SMYD3: variants seen among roughly 807,000 people sequenced by gnomAD.
SMYD3 encodes the protein histone-lysine N-methyltransferase SMYD3.
Under a neutral mutation model 57.7 loss-of-function variants are expected in SMYD3, and 36 were observed. That is an observed-to-expected ratio of 0.62 (90% CI 0.48 to 0.82). SMYD3 has a LOEUF of 0.82. Ranked by LOEUF, SMYD3 falls within the 40% of genes least tolerant of loss-of-function variation. The pLI is 0.00. For missense variants in SMYD3, 515 were observed against 538.8 expected (o/e 0.96, Z 0.44); for synonymous variants, 211 against 195.0 (o/e 1.08, Z -0.68).
At chr1:245,909,456 A>T (rs1490499184) in intron 8 of SMYD3, among the ~76,000 whole-genome samples, 2 of 152,140 alleles carry the variant, frequency 1.3e-5, no homozygotes, top group African/African-American at 2.4e-5. Context: ...TATATATATA[A>T]AACCAGCATT....
intron 1 of SMYD3, among the ~76,000 whole-genome samples, chr1:246,501,819 C>T (rs2068460859): frequency 6.6e-6 from 1 of 152,314 alleles, no homozygotes; most frequent in East Asian, 1.9e-4. Context: ...TAAGTAGACC[C>T]TCAGCACTTT....
chr1:246,403,409 G>A (rs924895462), intron 1 of SMYD3, among the ~76,000 whole-genome samples: 3 of 152,152 alleles, frequency 2.0e-5, no homozygotes, highest in Non-Finnish European at 4.4e-5. Flanking sequence ...GAGGCAAGAG[G>A]ATTGCTTGAG....
intron 5 of SMYD3, among the ~76,000 whole-genome samples, chr1:246,257,870 C>A (rs2063926476): frequency 6.6e-6 from 1 of 152,126 alleles, no homozygotes; most frequent in Non-Finnish European, 1.5e-5. Flanking sequence ...TCACACCACC[C>A]TTCCCTCTCC....
intron 5 of SMYD3, among the ~76,000 whole-genome samples, chr1:245,998,469 C>A (rs764413047): frequency 6.6e-6 from 1 of 152,138 alleles, no homozygotes; most frequent in Non-Finnish European, 1.5e-5. Flanking sequence ...CATGTGACAA[C>A]CACATGCCCA....
At chr1:245,991,757 A>T (rs975063091) in intron 5 of SMYD3, among the ~76,000 whole-genome samples, 4 of 152,116 alleles carry the variant, frequency 2.6e-5, no homozygotes, top group African/African-American at 9.7e-5. Context: ...AACCCCAGAA[A>T]CGGCCTGCCG....
At chr1:246,490,773 G>A (rs2068256946) in intron 1 of SMYD3, among the ~76,000 whole-genome samples, 1 of 152,102 alleles carries the variant, frequency 6.6e-6, no homozygotes, top group Non-Finnish European at 1.5e-5. Context: ...AGGCTGAGGT[G>A]GGAGGATCGT....
chr1:246,009,583 AT>A (rs1467914139), intron 5 of SMYD3, among the ~76,000 whole-genome samples: 1 of 93,856 alleles, frequency 1.1e-5, no homozygotes, highest in Non-Finnish European at 2.1e-5. Context: ...TATATATCAT[AT>A]AGTGGAAAGA....
chr1:246,216,285 T>TAAA (rs1360413874), intron 5 of SMYD3, among the ~76,000 whole-genome samples: 1 of 87,168 alleles, frequency 1.1e-5, no homozygotes, highest in African/African-American at 5.0e-5. Flanking sequence ...AGACTCCATT[T>TAAA]CAAAAAAAAA....
intron 1 of SMYD3, among the ~76,000 whole-genome samples, chr1:246,459,625 T>C (rs1229492763): frequency 6.6e-6 from 1 of 152,232 alleles, no homozygotes; most frequent in Admixed American, 6.5e-5. Context: ...CCTGCGGAAC[T>C]GTGAGTCAAT....
Position 245,864,006 on chromosome 1 carries a change from T to C in SMYD3, c.814-120A>G, listed in dbSNP as rs1230052439. 6.0e-6 allele frequency: 5 copies of C among 829,424 alleles called. No homozygotes were observed. The East Asian group carries it at 1.0e-4, about 17-fold the overall frequency. 51.4% of individuals were successfully genotyped at this position (829,424 alleles called of 1,614,324 possible). The stretch of plus-strand genomic sequence containing the variant: ...GCCCCTGAAAAGATGCTTGGCATCA[T>C]TTATCATCAGGGAAATATATAAAGC... On this transcript the variant is annotated intron_variant, in intron 8 of 11. Coordinates refer to ENST00000490107, the MANE Select transcript of SMYD3 (RefSeq NM_001167740.2).
At chr1:246,031,054 T>G (rs1374378869) in intron 5 of SMYD3, among the ~76,000 whole-genome samples, 1 of 152,132 alleles carries the variant, frequency 6.6e-6, no homozygotes, top group African/African-American at 2.4e-5. Context: ...AGCTTCTTAT[T>G]CCCAGACAAA....
intron 5 of SMYD3, among the ~76,000 whole-genome samples, chr1:245,998,948 A>G (rs1379696536): frequency 6.6e-6 from 1 of 152,196 alleles, no homozygotes; most frequent in Non-Finnish European, 1.5e-5. Flanking sequence ...AGAGTAGTCA[A>G]ACTCACAGAG....
intron 5 of SMYD3, among the ~76,000 whole-genome samples, chr1:245,941,363 C>T (rs1196964023): frequency 6.6e-6 from 1 of 152,072 alleles, no homozygotes; most frequent in East Asian, 1.9e-4. Context: ...GACTCATAAT[C>T]ATCAGATTCT....
intron 1 of SMYD3, among the ~76,000 whole-genome samples, chr1:246,434,550 C>T (rs959056633): frequency 6.6e-6 from 1 of 152,176 alleles, no homozygotes; most frequent in African/African-American, 2.4e-5. Flanking sequence ...AAAAAATGTT[C>T]CACATCACTA....
At chr1:245,941,645 C>T (rs6668804) in intron 5 of SMYD3, among the ~76,000 whole-genome samples, 82,149 of 152,024 alleles carry the variant, frequency 0.54, 27,369 homozygotes, top group Non-Finnish European at 0.76. Context: ...CTCAGCCTCC[C>T]GAGTAGCTGA....
At chr1:245,899,293 G>A (rs932654454) in intron 8 of SMYD3, among the ~76,000 whole-genome samples, 5 of 152,054 alleles carry the variant, frequency 3.3e-5, no homozygotes, top group Admixed American at 6.5e-5. Context: ...AGATCTCAGA[G>A]GAGTGTTTAT....
At chr1:245,820,793 C>T (rs1397584920) in intron 10 of SMYD3, among the ~76,000 whole-genome samples, 1 of 150,474 alleles carries the variant, frequency 6.6e-6, no homozygotes, top group Non-Finnish European at 1.5e-5. Context: ...CTCCCATTCA[C>T]AATTGCTTCA....
intron 1 of SMYD3, among the ~76,000 whole-genome samples, chr1:246,418,102 C>T (rs2067090232): frequency 6.6e-6 from 1 of 152,172 alleles, no homozygotes. Context: ...ATGCCTCTTC[C>T]CCTGTTAATC....
intron 5 of SMYD3, among the ~76,000 whole-genome samples, chr1:246,292,621 C>G (rs1055452705): frequency 6.6e-5 from 10 of 152,188 alleles, no homozygotes; most frequent in African/African-American, 2.2e-4. Flanking sequence ...CACTCCAGCA[C>G]AGCACAATAT....
Sources: gnomAD v4.1 joint callset for allele counts (sites outside exome capture counted in the v4.1 genomes callset) on GRCh38, gnomAD v4.1.1 for gene constraint, MANE v1.5 for transcripts, NCBI Gene and HGNC (gene_info 2026-07-23, HGNC 2026-07-21) for gene names.